The following FRRS1 variants were observed in gnomAD, a reference collection of about 807,000 sequenced individuals.
The protein encoded by FRRS1 is ferric reductase 1.
Under a neutral mutation model 70.7 loss-of-function variants are expected in FRRS1, and 51 were observed. The observed-to-expected ratio is 0.72, with a 90% CI of 0.58 to 0.91. The LOEUF is 0.91. FRRS1 is among the 40% of genes least tolerant of loss of function. The probability of loss-of-function intolerance (pLI) is 0.00; values close to 1 mark genes in which losing one functional copy is unlikely to be tolerated. For missense variants in FRRS1, 672 were observed against 726.0 expected (o/e 0.93, Z 0.86); for synonymous variants, 225 against 238.7 (o/e 0.94, Z 0.53).
At chr1:99,747,670 G>A (rs1202248115) in intron 3 of FRRS1, 1 of 430,586 alleles carries the variant, frequency 2.3e-6, no homozygotes, top group African/African-American at 2.0e-5. Flanking sequence ...AGAAAAATAG[G>A]TGATGGTCCA....
intron 1 of FRRS1, among the ~76,000 whole-genome samples, chr1:99,763,948 A>T (rs1444979407): frequency 6.6e-6 from 1 of 152,198 alleles, no homozygotes; most frequent in Non-Finnish European, 1.5e-5. Flanking sequence ...GATTATTTCC[A>T]GTAGCAAAAA....
rs144562210 is a variant in FRRS1, at chr1:99,731,295, A to G, written c.760-1547T>C. On this transcript the variant is annotated intron_variant, in intron 7 of 16. Transcript: ENST00000646001. ...CACCCAATTCCTTAAACAAGGTCCAAGACTACCCAGTTATAACAAATCTTG... is the reference window on the plus strand; with the variant it reads ...CACCCAATTCCTTAAACAAGGTCCAGGACTACCCAGTTATAACAAATCTTG... Among the ~76,000 whole-genome samples, 58 of 152,336 alleles carry G rather than the reference A, an allele frequency of 3.8e-4. No homozygotes were observed. In the East Asian group the frequency reaches 9.3e-3, roughly 24 times the overall value.
intron 1 of FRRS1, chr1:99,765,593 C>A (rs1355752748): frequency 6.8e-6 from 1 of 146,206 alleles, no homozygotes; most frequent in African/African-American, 2.6e-5. Flanking sequence ...AAGAGCAACA[C>A]TCCGTCTCGA....
intron 7 of FRRS1, among the ~76,000 whole-genome samples, chr1:99,734,877 G>T (rs946731371): frequency 1.3e-5 from 2 of 152,194 alleles, no homozygotes; most frequent in African/African-American, 4.8e-5. Flanking sequence ...GGAAATCACA[G>T]TCTGGAGTCC....
At chr1:99,762,240 G>A (rs1320459437) in intron 1 of FRRS1, among the ~76,000 whole-genome samples, 3 of 152,250 alleles carry the variant, frequency 2.0e-5, no homozygotes, top group South Asian at 2.1e-4. Flanking sequence ...CTTTTGGGGG[G>A]ACTGCTCTCT....
Position 99,742,271 on chromosome 1 carries a change from T to C in FRRS1, c.336A>G (p.Gly112=). 1 of 1,592,260 alleles carries C rather than the reference T, an allele frequency of 6.3e-7. No individual in the cohort carries two copies. The change falls in exon 5 of 17, where the codon GGA becomes GGG. Residue 112 remains glycine, a splice_region_variant and synonymous_variant. Coordinates refer to ENST00000646001, the MANE Select transcript of FRRS1 (RefSeq NM_001361041.2). ...SQLLTCEDIQ[G]SAVSHRSASK... ...ATGCACTTCTGTGACTCACTGCTGA[T>C]CCCTGAAATAAAAGGGAAAAGAGCT...
rs1489752216 is a variant in FRRS1, at chr1:99,766,486, C to G, written c.-106+121G>C. The G allele has an allele frequency of 2.0e-5, 3 of 152,248 alleles. No individual in the cohort carries two copies. In the East Asian group the frequency reaches 5.8e-4, roughly 29 times the overall value. 9.4% of individuals were successfully genotyped at this position (152,248 alleles called of 1,614,324 possible). A position where few individuals can be genotyped will look rare whatever the true frequency, so the allele number is the denominator to read the frequency against. On this transcript the variant is annotated intron_variant, in intron 1 of 16. Transcript: ENST00000646001. ...ATAGTTTCGGAATACAGCACCCGTT[C>G]TGCCTGGCCGACTGCCCTGGTCAGC... is the stretch of plus-strand genomic sequence containing the variant.
intron 9 of FRRS1, among the ~76,000 whole-genome samples, chr1:99,725,117 C>A (rs1181358543): frequency 6.6e-6 from 1 of 151,986 alleles, no homozygotes; most frequent in Non-Finnish European, 1.5e-5. Context: ...CAACCTAGAT[C>A]CTTCACATGC....
chr1:99,764,983 G>C (rs1171751469), intron 1 of FRRS1, among the ~76,000 whole-genome samples: 1 of 152,052 alleles, frequency 6.6e-6, no homozygotes, highest in Non-Finnish European at 1.5e-5. Flanking sequence ...GTAAACCTCT[G>C]GATATCAGTA....
chr1:99,732,604 T>C (rs1423977553), intron 7 of FRRS1, among the ~76,000 whole-genome samples: 3 of 152,114 alleles, frequency 2.0e-5, no homozygotes, highest in Non-Finnish European at 4.4e-5. Context: ...GGAAAGATTT[T>C]CCAAGTTGAA....
chr1:99,728,111 G>A (rs1655156459), intron 9 of FRRS1, among the ~76,000 whole-genome samples: 2 of 152,206 alleles, frequency 1.3e-5, no homozygotes, highest in East Asian at 3.8e-4. Context: ...TTCCCCACAG[G>A]AGCCAATATC....
chr1:99,710,281 G>T (rs1654214116), intron 15 of FRRS1, among the ~76,000 whole-genome samples: 1 of 152,152 alleles, frequency 6.6e-6, no homozygotes, highest in African/African-American at 2.4e-5. Flanking sequence ...GGTGGCTATA[G>T]GTATCCTGAC....
intron 1 of FRRS1, among the ~76,000 whole-genome samples, chr1:99,761,870 A>G (rs1343430510): frequency 6.6e-6 from 1 of 152,232 alleles, no homozygotes; most frequent in Non-Finnish European, 1.5e-5. Context: ...GAGGTATGGA[A>G]GAAATAATAG....
intron 1 of FRRS1, among the ~76,000 whole-genome samples, chr1:99,753,495 C>T (rs1159751504): frequency 3.3e-5 from 5 of 152,016 alleles, no homozygotes; most frequent in East Asian, 1.9e-4. Context: ...TGGCCGGGCG[C>T]GGTGGCTCAC....
At chr1:99,756,583 C>T (rs993927446) in intron 1 of FRRS1, among the ~76,000 whole-genome samples, 1 of 151,996 alleles carries the variant, frequency 6.6e-6, no homozygotes, top group Non-Finnish European at 1.5e-5. Context: ...AAAATTCAGA[C>T]AAAACTAGAA....
rs771309272 is a variant in FRRS1, at chr1:99,740,920, T to A, written c.449A>T (p.Tyr150Phe). 5.6e-6 allele frequency: 9 copies of A among 1,611,230 alleles called. No individual in the cohort carries two copies. The highest frequency in any genetic ancestry group is 1.1e-5 in the South Asian group (1 of 91,020). Residue 150 changes from tyrosine (Y) to phenylalanine (F), a missense_variant, in exon 6 of 17, where the codon TAT (tyrosine) becomes TTT (phenylalanine). By Grantham distance (22) the Tyr-to-Phe change is conservative (BLOSUM62 3). Coordinates refer to ENST00000646001, the MANE Select transcript of FRRS1 (RefSeq NM_001361041.2). ...TQFLVTVVEK[Y>F]KIYWVKIPGP... Reference sequence around the variant, plus strand: ...AGGAATCTTCACCCAGTAGATTTTATACTTCTCAACAACTGTGACTCTGAA... The same window carrying A: ...AGGAATCTTCACCCAGTAGATTTTAAACTTCTCAACAACTGTGACTCTGAA...
rs1654040901 is a variant in FRRS1 at position 99,706,457 on chromosome 1, G to A, written c.*2571C>T. On this transcript the variant is annotated 3_prime_UTR_variant, in exon 17 of 17. Coordinates refer to ENST00000646001, the MANE Select transcript of FRRS1 (RefSeq NM_001361041.2). ...TGCAAAGGCTTATTCGGGGAACTCT[G>A]TATGTAAGTTGGCAAAGACCAAAAT... 6.6e-6 allele frequency among the ~76,000 whole-genome samples: 1 copy of A among 151,356 alleles called. No homozygotes were observed. Among genetic ancestry groups the A allele is most frequent in the Admixed American group, 6.6e-5 (1 of 15,196 alleles).
intron 13 of FRRS1, 88 bp downstream of exon 13, chr1:99,712,330 G>A: frequency 9.3e-7 from 1 of 1,074,110 alleles, no homozygotes; most frequent in Non-Finnish European, 1.4e-6. Flanking sequence ...TTTATAAAAT[G>A]CAAAATTTTT....
chr1:99,708,618 AAAAAAAAATATATAT>A lies in FRRS1; in HGVS notation c.*395_*409del, dbSNP rs1654115203. Reference sequence around the variant, plus strand: ...GTCTCAAAAAAAAAAAAAAAAAAAAAAAAAAAAATATATATATATATATATATATATATATATATA... The same window carrying A: ...GTCTCAAAAAAAAAAAAAAAAAAAAAATATATATATATATATATATATATA... On this transcript the variant is annotated 3_prime_UTR_variant, in exon 17 of 17. Coordinates refer to ENST00000646001, the MANE Select transcript of FRRS1 (RefSeq NM_001361041.2). 3.4e-5 allele frequency: 3 copies of A among 87,334 alleles called. No homozygotes were observed. Among genetic ancestry groups the A allele is most frequent in the African/African-American group, 1.7e-4 (3 of 17,906 alleles). The allele number at this position is 87,334 out of a possible 1,614,324, so 5.4% of individuals were successfully genotyped here.
Sources: gnomAD v4.1 joint callset for allele counts (sites outside exome capture counted in the v4.1 genomes callset) on GRCh38, gnomAD v4.1.1 for gene constraint, MANE v1.5 for transcripts, NCBI Gene and HGNC (gene_info 2026-07-23, HGNC 2026-07-21) for gene names.